KAZN: variants seen among roughly 807,000 people sequenced by gnomAD.
KAZN encodes the protein kazrin.
A neutral mutation model predicts 87.4 loss-of-function variants in KAZN; 40 were observed. That is an observed-to-expected ratio of 0.46 (90% confidence interval 0.36 to 0.60). The LOEUF is 0.60. Among genes scored for constraint, KAZN ranks in the 20% least tolerant of loss-of-function variants. The probability of loss-of-function intolerance (pLI) is 0.00; values close to 1 mark genes in which losing one functional copy is unlikely to be tolerated. For synonymous variants in KAZN, 466 were observed against 458.3 expected (o/e 1.02, Z -0.22); for missense variants, 898 against 1,073.9 (o/e 0.84, Z 2.29).
chr1:13,954,994 C>T (rs1641490212), intron 1 of KAZN, among the ~76,000 whole-genome samples: 1 of 152,084 alleles, frequency 6.6e-6, no homozygotes, highest in Non-Finnish European at 1.5e-5. Flanking sequence ...AATTTGACTC[C>T]TCGAAAGTAA....
intron 2 of KAZN, among the ~76,000 whole-genome samples, chr1:14,408,711 G>T (rs917884630): frequency 6.6e-6 from 1 of 152,140 alleles, no homozygotes; most frequent in African/African-American, 2.4e-5. Context: ...TGATCATGTT[G>T]GGAGTTATAG....
At chr1:14,566,200 T>C (rs1487125674) in intron 2 of KAZN, among the ~76,000 whole-genome samples, 1 of 152,230 alleles carries the variant, frequency 6.6e-6, no homozygotes, top group Non-Finnish European at 1.5e-5. Flanking sequence ...GATGCTGTGT[T>C]AGCAGGTATG....
chr1:14,848,955 G>A (rs1039895939), intron 1 of KAZN, among the ~76,000 whole-genome samples: 4 of 152,158 alleles, frequency 2.6e-5, no homozygotes, highest in South Asian at 2.1e-4. Flanking sequence ...TAGAGGGGCC[G>A]GATGCTGCGG....
intron 1 of KAZN, among the ~76,000 whole-genome samples, chr1:14,930,759 C>T (rs1399197116): frequency 6.6e-6 from 1 of 152,248 alleles, no homozygotes. Flanking sequence ...TACCAGGCCA[C>T]AGAGCGGAGG....
chr1:14,060,628 G>T (rs923086816), intron 1 of KAZN, among the ~76,000 whole-genome samples: 36 of 152,204 alleles, frequency 2.4e-4, no homozygotes, highest in Admixed American at 2.3e-3. Flanking sequence ...CCCTGGAGCA[G>T]CTTGAAGCAT....
At chr1:14,843,197 T>C (rs75278771) in intron 1 of KAZN, among the ~76,000 whole-genome samples, 5 of 152,338 alleles carry the variant, frequency 3.3e-5, no homozygotes, top group Non-Finnish European at 7.4e-5. Flanking sequence ...AGTCGATTCC[T>C]ACTGTGTGCT....
chr1:14,670,642 G>A (rs1307442016), intron 1 of KAZN, among the ~76,000 whole-genome samples: 1 of 152,150 alleles, frequency 6.6e-6, no homozygotes, highest in Non-Finnish European at 1.5e-5. Flanking sequence ...AAATGAGCCC[G>A]ATTCATACCA....
chr1:15,012,693 G>A (rs944027463), intron 2 of KAZN, among the ~76,000 whole-genome samples: 2 of 152,234 alleles, frequency 1.3e-5, no homozygotes, highest in East Asian at 1.9e-4. Flanking sequence ...AGGCTGAGGC[G>A]GGTGGATCAC....
intron 2 of KAZN, among the ~76,000 whole-genome samples, chr1:14,510,681 T>C (rs74364118): frequency 0.015 from 2,260 of 152,242 alleles, 58 homozygotes; most frequent in African/African-American, 0.051. Flanking sequence ...GGCTGCTGTG[T>C]GTAAAATGGA....
At chr1:15,109,450 G>T (rs1399770267) in intron 13 of KAZN, among the ~76,000 whole-genome samples, 1 of 152,132 alleles carries the variant, frequency 6.6e-6, no homozygotes, top group East Asian at 1.9e-4. Context: ...TGTTTTACTC[G>T]CACCAGAACA....
intron 1 of KAZN, among the ~76,000 whole-genome samples, chr1:14,726,753 G>A (rs979488162): frequency 3.3e-5 from 5 of 152,292 alleles, no homozygotes; most frequent in East Asian, 1.9e-4. Context: ...CTGCATCCCC[G>A]GGGAACTTGA....
intron 1 of KAZN, among the ~76,000 whole-genome samples, chr1:13,943,166 C>T (rs76783481): frequency 0.014 from 2,111 of 152,256 alleles, 35 homozygotes; most frequent in Non-Finnish European, 0.022. Flanking sequence ...GTAGGCAGAT[C>T]ATCACAAAAC....
At position 14,710,314 on chromosome 1, in the gene KAZN, G is replaced by A. The variant is rs145402474; in HGVS notation, c.226+111091G>A. ...AAAGCTGCCCCGTGCTGGTCTTCCT[G>A]CTTCTCCTCTGGCCAGCCAGAGGGA... is the stretch of plus-strand genomic sequence containing the variant. On this transcript the variant is annotated intron_variant, in intron 1 of 14. Transcript: ENST00000376030. Among the ~76,000 whole-genome samples, 346 of 152,186 alleles carry A rather than the reference G, an allele frequency of 2.3e-3. 1 individual carries two copies. The highest frequency in any genetic ancestry group is 8.2e-3 in the African/African-American group (340 of 41,532).
intron 2 of KAZN, among the ~76,000 whole-genome samples, chr1:14,295,825 T>C (rs944025464): frequency 6.6e-6 from 1 of 152,208 alleles, no homozygotes; most frequent in African/African-American, 2.4e-5. Context: ...TTCATGTTGC[T>C]TATTTTGGTT....
At chr1:14,939,760 G>C (rs1398918191) in intron 1 of KAZN, among the ~76,000 whole-genome samples, 1 of 152,162 alleles carries the variant, frequency 6.6e-6, no homozygotes, top group Admixed American at 6.5e-5. Context: ...CACGGCACAG[G>C]CTCAGGGTCC....
chr1:13,898,895 A>T (rs147969376), intron 1 of KAZN, among the ~76,000 whole-genome samples: 1 of 152,234 alleles, frequency 6.6e-6, no homozygotes. Flanking sequence ...TTGGAAGCCA[A>T]TTGCCAAATT....
Position 14,856,119 on chromosome 1 carries a change from T to C in KAZN, c.227-104565T>C, listed in dbSNP as rs1467745845. On this transcript the variant is annotated intron_variant, in intron 1 of 14. Coordinates refer to ENST00000376030, the MANE Select transcript of KAZN (RefSeq NM_201628.3). The surrounding 1 kb of genome is among the most constrained non-coding windows in gnomAD (Gnocchi z 5.2). ...TTGGGTTTAAGTTACGTAGTAGTTA[T>C]TGCAAGGGTCTGTGCTATAAAATCA... Among the ~76,000 whole-genome samples, 1 of 152,142 alleles carries C rather than the reference T, an allele frequency of 6.6e-6. No homozygotes were observed. Among genetic ancestry groups the C allele is most frequent in the Non-Finnish European group, 1.5e-5 (1 of 68,032 alleles).
At chr1:14,333,285 A>G (rs1476735135) in intron 2 of KAZN, among the ~76,000 whole-genome samples, 1 of 152,206 alleles carries the variant, frequency 6.6e-6, no homozygotes, top group East Asian at 1.9e-4. Flanking sequence ...CCAGACTATC[A>G]TTGATGGGCA....
chr1:14,238,701 C>T (rs1483358301), intron 2 of KAZN, among the ~76,000 whole-genome samples: 1 of 152,240 alleles, frequency 6.6e-6, no homozygotes, highest in Non-Finnish European at 1.5e-5. Context: ...CTTGGCCAAG[C>T]CCAATGAGCT....
Sources: gnomAD v4.1 joint callset for allele counts (sites outside exome capture counted in the v4.1 genomes callset) on GRCh38, gnomAD v4.1.1 for gene constraint, Gnocchi (gnomAD v3.1) non-coding constraint, MANE v1.5 for transcripts, NCBI Gene and HGNC (gene_info 2026-07-23, HGNC 2026-07-21) for gene names.